ITGBL1: variants seen among roughly 807,000 people sequenced by gnomAD.
ITGBL1 encodes the protein integrin subunit beta like 1.
ITGBL1 carries 51 observed loss-of-function variants against 68.5 expected under a neutral mutation model. The observed-to-expected ratio is 0.74, with a 90% confidence interval of 0.59 to 0.94. The LOEUF is 0.94. Among genes scored for constraint, ITGBL1 ranks in the 40% least tolerant of loss-of-function variants. The pLI is 0.00. For synonymous variants in ITGBL1, 209 were observed against 227.3 expected (o/e 0.92, Z 0.72); for missense variants, 649 against 647.4 (o/e 1.00, Z -0.03).
At chr13:101,505,622 G>A (rs1385239033) in intron 2 of ITGBL1, among the ~76,000 whole-genome samples, 2 of 152,076 alleles carry the variant, frequency 1.3e-5, no homozygotes, top group Non-Finnish European at 2.9e-5. Flanking sequence ...ACTGTATTTG[G>A]TGCTAGGAAC....
intron 6 of ITGBL1, among the ~76,000 whole-genome samples, chr13:101,593,689 A>T (rs997824488): frequency 1.1e-4 from 17 of 152,096 alleles, no homozygotes; most frequent in African/African-American, 3.9e-4. Flanking sequence ...AAACCTAAAA[A>T]ATTGGAATCT....
At chr13:101,707,779 G>A (rs2034294536) in intron 9 of ITGBL1, among the ~76,000 whole-genome samples, 2 of 150,938 alleles carry the variant, frequency 1.3e-5, no homozygotes, top group South Asian at 4.2e-4. Flanking sequence ...CTTAAACCCA[G>A]GACGTGGAGG....
intron 7 of ITGBL1, among the ~76,000 whole-genome samples, chr13:101,657,242 TCA>T (rs2032955113): frequency 6.6e-6 from 1 of 152,254 alleles, no homozygotes; most frequent in Non-Finnish European, 1.5e-5. Context: ...CAGTGTATCC[TCA>T]GTTTTTAATT....
chr13:101,720,337 A>T (rs143725599), downstream of ITGBL1: 142 of 152,290 alleles, frequency 9.3e-4, no homozygotes, highest in African/African-American at 3.1e-3. Context: ...AGTATTTGAC[A>T]TCCTTCATAG....
At chr13:101,666,268 A>G (rs1390659222) in intron 7 of ITGBL1, among the ~76,000 whole-genome samples, 1 of 152,140 alleles carries the variant, frequency 6.6e-6, no homozygotes, top group Non-Finnish European at 1.5e-5. Context: ...CTCTGCTTCC[A>G]GGAGTCACCT....
Position 101,528,840 on chromosome 13 carries a change from T to C in ITGBL1, c.317-38859T>C, listed in dbSNP as rs141897892. The stretch of plus-strand genomic sequence containing the variant: ...AGCAAAATATTTAGGCCCAATCCCA[T>C]AGTAAGATATTGTAAGACAAAAGAG... On this transcript the variant is annotated intron_variant, in intron 2 of 10. Coordinates refer to ENST00000376180, the MANE Select transcript of ITGBL1 (RefSeq NM_004791.3). 1.2e-3 allele frequency among the ~76,000 whole-genome samples: 183 copies of C among 151,986 alleles called. 1 individual carries two copies. The highest frequency in any genetic ancestry group is 4.2e-3 in the African/African-American group (175 of 41,512).
chr13:101,685,048 A>G (rs893412081), intron 7 of ITGBL1, among the ~76,000 whole-genome samples: 1 of 151,982 alleles, frequency 6.6e-6, no homozygotes, highest in Non-Finnish European at 1.5e-5. Context: ...AGATACACAC[A>G]GACTCTGTTT....
intron 7 of ITGBL1, among the ~76,000 whole-genome samples, chr13:101,621,959 C>G (rs553800020): frequency 2.0e-3 from 308 of 151,704 alleles, no homozygotes; most frequent in African/African-American, 7.1e-3. Flanking sequence ...TGGTTGGGAG[C>G]AAAGAAAAAT....
intron 2 of ITGBL1, among the ~76,000 whole-genome samples, chr13:101,476,857 A>T (rs1290997285): frequency 1.3e-5 from 2 of 152,148 alleles, no homozygotes; most frequent in Non-Finnish European, 2.9e-5. Flanking sequence ...AGCAAATATT[A>T]TTAGAGCTAA....
chr13:101,636,971 A>T (rs2032189615), intron 7 of ITGBL1, among the ~76,000 whole-genome samples: 1 of 152,158 alleles, frequency 6.6e-6, no homozygotes, highest in Non-Finnish European at 1.5e-5. Flanking sequence ...ACATCCACTT[A>T]ATTCTGAAAG....
intron 2 of ITGBL1, among the ~76,000 whole-genome samples, chr13:101,546,452 A>T (rs910855990): frequency 1.3e-5 from 2 of 152,206 alleles, no homozygotes; most frequent in African/African-American, 4.8e-5. Context: ...AATCGAAGTA[A>T]GAAAATAACA....
intron 2 of ITGBL1, among the ~76,000 whole-genome samples, chr13:101,516,030 G>A (rs948899872): frequency 6.6e-5 from 10 of 152,082 alleles, no homozygotes; most frequent in Non-Finnish European, 1.3e-4. Flanking sequence ...TTGTGTTGCA[G>A]AAGAAAATAA....
At chr13:101,554,712 CTG>C (rs1296447164) in intron 2 of ITGBL1, among the ~76,000 whole-genome samples, 1 of 152,192 alleles carries the variant, frequency 6.6e-6, no homozygotes, top group East Asian at 1.9e-4. Flanking sequence ...ACCTGAGGCT[CTG>C]TCTTTCCCTG....
intron 7 of ITGBL1, among the ~76,000 whole-genome samples, chr13:101,601,322 CT>C (rs1456739835): frequency 1.3e-5 from 2 of 152,054 alleles, no homozygotes; most frequent in African/African-American, 4.8e-5. Flanking sequence ...TGATTCTTCT[CT>C]CTTTTCTTCT....
chr13:101,625,521 C>A (rs1222634701), intron 7 of ITGBL1, among the ~76,000 whole-genome samples: 1 of 151,722 alleles, frequency 6.6e-6, no homozygotes, highest in Non-Finnish European at 1.5e-5. Context: ...TCATCAGGTC[C>A]CACTCAGTAT....
At chr13:101,544,555 G>A (rs2049781435) in intron 2 of ITGBL1, among the ~76,000 whole-genome samples, 3 of 152,136 alleles carry the variant, frequency 2.0e-5, no homozygotes, top group African/African-American at 7.2e-5. Context: ...GCTGCATGCT[G>A]GGAGAACCAC....
chr13:101,712,994 C>A (rs1394680875), intron 9 of ITGBL1: 2 of 152,174 alleles, frequency 1.3e-5, no homozygotes, highest in Non-Finnish European at 2.9e-5. Context: ...GCAAATCAAC[C>A]TGGACCCTCA....
At chr13:101,541,884 G>C (rs2049711516) in intron 2 of ITGBL1, among the ~76,000 whole-genome samples, 3 of 152,130 alleles carry the variant, frequency 2.0e-5, no homozygotes, top group Admixed American at 6.5e-5. Flanking sequence ...TTGTGTTTCT[G>C]TGGGTTTGGT....
Position 101,471,083 on chromosome 13 carries a change from T to C in ITGBL1, c.316+16983T>C, listed in dbSNP as rs2048450397. 2.6e-5 allele frequency among the ~76,000 whole-genome samples: 4 copies of C among 152,206 alleles called. No individual in the cohort carries two copies. The South Asian group carries it at 8.3e-4, about 32-fold the overall frequency. ...ATGCCCCAAGAAGTATTAAATCTCT[T>C]TTCTGAATTTTGAATTATCACATGC... On this transcript the variant is annotated intron_variant, in intron 2 of 10. Coordinates refer to ENST00000376180, the MANE Select transcript of ITGBL1 (RefSeq NM_004791.3).
Sources: allele counts gnomAD v4.1 joint callset (sites outside exome capture counted in the v4.1 genomes callset), GRCh38; gene constraint gnomAD v4.1.1; transcripts MANE v1.5; gene names NCBI Gene and HGNC (gene_info 2026-07-23, HGNC 2026-07-21).